The following TAB3 variants were observed in gnomAD, a reference collection of about 807,000 sequenced individuals.
TAB3 encodes the protein TGF-beta activated kinase 1 (MAP3K7) binding protein 3.
Under a neutral mutation model 48.1 loss-of-function variants are expected in TAB3, and 18 were observed. That is an observed-to-expected ratio of 0.37 (90% CI 0.26 to 0.55). The LOEUF (loss-of-function observed/expected upper bound fraction) is 0.55. TAB3 is among the 20% of genes least tolerant of loss of function. TAB3 has a pLI of 0.78. For synonymous variants in TAB3, 185 were observed against 190.2 expected (o/e 0.97, Z 0.22); for missense variants, 414 against 549.8 (o/e 0.75, Z 2.47).
At position 30,852,815 on chromosome X, in the gene TAB3, C is replaced by T. The variant is rs1340769739; in HGVS notation, c.1673G>A (p.Arg558Gln). Residue 558 changes from arginine to glutamine, a missense_variant, in exon 7 of 11, where the codon CGG becomes CAG. Coordinates refer to ENST00000288422, the MANE Select transcript of TAB3 (RefSeq NM_152787.5). The part of the protein sequence containing the change: ...NGMEHDLMQR[R>Q]LRRVSCTTAI... ...AGTGGTGCAGCTGACTCTTCTGAGC[C>T]GTCTCTGCATCAGGTCATGCTCCAT... 2.5e-6 allele frequency: 3 copies of T among 1,209,359 alleles called. No individual in the cohort carries two copies. The highest frequency in any genetic ancestry group is 1.8e-5 in the South Asian group (1 of 56,755).
At position 30,830,293 on chromosome X, in the gene TAB3, A is replaced by G. The variant is rs1489418284; in HGVS notation, c.*1134T>C. On this transcript the variant is annotated 3_prime_UTR_variant, in exon 11 of 11. Coordinates refer to ENST00000288422, the MANE Select transcript of TAB3 (RefSeq NM_152787.5). ...CCTTTCCTAAATAATGCAGTGTGCA[A>G]CTTTGTCGTTGGCCAACTGTAATTC... The G allele has an allele frequency of 1.8e-5, 2 of 112,355 alleles. No individual in the cohort carries two copies. The highest frequency in any genetic ancestry group is 9.5e-5 in the Admixed American group (1 of 10,504). 9.3% of individuals were successfully genotyped at this position (112,355 alleles called of 1,213,427 possible).
At chrX:30,846,514 C>A (rs753768964) in intron 8 of TAB3, 37 bp downstream of exon 8, 3 of 1,029,905 alleles carry the variant, frequency 2.9e-6, no homozygotes, top group Non-Finnish European at 4.0e-6. Context: ...AAATACCACA[C>A]TATTACTTAT....
intron 1 of TAB3, among the ~76,000 whole-genome samples, chrX:30,875,020 C>A (rs774453168): frequency 9.0e-6 from 1 of 110,907 alleles, no homozygotes; most frequent in Non-Finnish European, 1.9e-5. Flanking sequence ...GCTGGTGGTA[C>A]CATGTTCTAG....
At chrX:30,846,677 G>A (rs919984648) in intron 7 of TAB3, 33 bp from the exon 8 acceptor site, 6 of 990,601 alleles carry the variant, frequency 6.1e-6, no homozygotes, top group Non-Finnish European at 8.5e-6. Flanking sequence ...AGCAATTGTG[G>A]GAAAGTCATT....
intron 1 of TAB3, among the ~76,000 whole-genome samples, chrX:30,884,284 GAACT>G (rs1372407989): frequency 1.8e-5 from 2 of 111,766 alleles, no homozygotes; most frequent in Non-Finnish European, 3.8e-5. Context: ...GTAATAATAA[GAACT>G]AACTCTTTTT....
rs141569817 is a variant in TAB3 at position 30,855,457 on chromosome X, G to A, written c.208C>T (p.Arg70Cys). ...SPDDNRMNRNRLLHINLGIHS... is the reference protein window; with the variant it reads ...SPDDNRMNRNCLLHINLGIHS... ...ATACCCAGGTTAATATGTAAAAGGC[G>A]ATTTCTATTCATCCTATTGTCATCT... Residue 70 changes from arginine (R) to cysteine (C), a missense_variant, in exon 6 of 11, where the codon CGC becomes TGC. Arg to Cys is a radical substitution (Grantham distance 180). Transcript: ENST00000288422. The A allele has an allele frequency of 5.8e-6, 7 of 1,209,389 alleles. No homozygotes were observed. In the African/African-American group the frequency reaches 8.8e-5, roughly 15 times the overall value.
At chrX:30,849,467 A>G (rs1825895702) in intron 7 of TAB3, among the ~76,000 whole-genome samples, 1 of 112,674 alleles carries the variant, frequency 8.9e-6, no homozygotes, top group African/African-American at 3.2e-5. Flanking sequence ...ACTTGAAGGT[A>G]GCAATGTGTG....
chrX:30,837,612 C>A (rs900238096), intron 9 of TAB3, among the ~76,000 whole-genome samples: 2 of 112,069 alleles, frequency 1.8e-5, no homozygotes, highest in South Asian at 7.4e-4. Context: ...ACATATTTTA[C>A]AAATATTTTC....
At chrX:30,869,288 G>C (rs1421587598) in intron 2 of TAB3, among the ~76,000 whole-genome samples, 2 of 111,419 alleles carry the variant, frequency 1.8e-5, no homozygotes, top group Non-Finnish European at 1.9e-5. Context: ...TTAAACTCCT[G>C]ACCTCAGGAG....
In TAB3 at chrX:30,834,272, C is replaced by T. The variant is rs187487287; in HGVS notation, c.1889-120G>A. On this transcript the variant is annotated intron_variant, in intron 9 of 10. Coordinates refer to ENST00000288422, the MANE Select transcript of TAB3 (RefSeq NM_152787.5). ...CTGAGTGCATTTACCCTACCTATTA[C>T]TTCATGTTACCTTTAGCAAGGGCAG... is the stretch of plus-strand genomic sequence containing the variant. 1.4e-3 allele frequency: 772 copies of T among 558,522 alleles called. 4 individuals carry two copies. In the African/African-American group the frequency reaches 0.015, roughly 11 times the overall value. 46.0% of individuals were successfully genotyped at this position (558,522 alleles called of 1,213,427 possible). A position where few individuals can be genotyped will look rare whatever the true frequency, so the allele number is the denominator to read the frequency against.
At chrX:30,863,088 T>C (rs1016803446) in intron 4 of TAB3, among the ~76,000 whole-genome samples, 16 of 112,593 alleles carry the variant, frequency 1.4e-4, no homozygotes, top group African/African-American at 4.8e-4. Flanking sequence ...TCTGAAAAGA[T>C]GATTAATAGT....
At chrX:30,835,863 A>G (rs1601795284) in intron 9 of TAB3, 3 of 112,528 alleles carry the variant, frequency 2.7e-5, no homozygotes. Context: ...TTTCTGGTAT[A>G]TATCTGTAAT....
intron 1 of TAB3, among the ~76,000 whole-genome samples, chrX:30,884,624 C>T (rs911530638): frequency 9.0e-6 from 1 of 110,605 alleles, no homozygotes. Flanking sequence ...ACCATCTTGC[C>T]TTTTATTAGG....
intron 1 of TAB3, among the ~76,000 whole-genome samples, chrX:30,874,837 T>C (rs1939777344): frequency 8.9e-6 from 1 of 112,255 alleles, no homozygotes; most frequent in Non-Finnish European, 1.9e-5. Flanking sequence ...AAGGAAGCCC[T>C]GAGTGCCAAG....
At chrX:30,852,678 A>C (rs936005625) in intron 7 of TAB3, 100 bp downstream of exon 7, 7 of 934,036 alleles carry the variant, frequency 7.5e-6, no homozygotes, top group Non-Finnish European at 1.0e-5. Flanking sequence ...ACAACAACAA[A>C]AAACCGGAAC....
rs774577458 is a variant in TAB3 at position 30,830,582 on chromosome X, C to G, written c.*845G>C. The G allele has an allele frequency of 8.0e-5, 9 of 112,214 alleles. No individual in the cohort carries two copies. Among genetic ancestry groups the G allele is most frequent in the Non-Finnish European group, 1.7e-4 (9 of 53,208 alleles). 9.2% of individuals were successfully genotyped at this position (112,214 alleles called of 1,213,427 possible). On this transcript the variant is annotated 3_prime_UTR_variant, in exon 11 of 11. Transcript: ENST00000288422. Reference sequence around the variant, plus strand: ...GTGCTACTGGCAAAGCGCAGTTTTACGAGAATATCATTTATAAAATCATAC... The same window carrying G: ...GTGCTACTGGCAAAGCGCAGTTTTAGGAGAATATCATTTATAAAATCATAC...
At position 30,831,503 on chromosome X, in the gene TAB3, T is replaced by C; in HGVS notation, c.2063A>G (p.Asn688Ser). ...GTTAAGAAAGGTGCAGCTATCACAATTCCATGGAGCCCCTTCGTAGTCTTC... is the reference window on the plus strand; with the variant it reads ...GTTAAGAAAGGTGCAGCTATCACAACTCCATGGAGCCCCTTCGTAGTCTTC... ...RDEDYEGAPW[N>S]CDSCTFLNHP... Residue 688 changes from asparagine to serine, a missense_variant, in exon 11 of 11, where the codon AAT (asparagine) becomes AGT (serine). Coordinates refer to ENST00000288422, the MANE Select transcript of TAB3 (RefSeq NM_152787.5). The C allele has an allele frequency of 1.7e-6, 2 of 1,211,223 alleles. No homozygotes were observed. The highest frequency in any genetic ancestry group is 2.2e-6 in the Non-Finnish European group (2 of 895,316).
chrX:30,838,005 C>A (rs1275070791), intron 9 of TAB3, among the ~76,000 whole-genome samples: 1 of 112,322 alleles, frequency 8.9e-6, no homozygotes, highest in Non-Finnish European at 1.9e-5. Flanking sequence ...TAAACCTGGG[C>A]TCCCTATTCT....
intron 1 of TAB3, among the ~76,000 whole-genome samples, chrX:30,886,824 G>A (rs1940144574): frequency 8.9e-6 from 1 of 111,984 alleles, no homozygotes; most frequent in South Asian, 3.7e-4. Context: ...AGCAGGCTCT[G>A]CAGCACATAA....
Sources: gnomAD v4.1 joint callset for allele counts (sites outside exome capture counted in the v4.1 genomes callset) on GRCh38, gnomAD v4.1.1 for gene constraint, MANE v1.5 for transcripts, NCBI Gene and HGNC (gene_info 2026-07-23, HGNC 2026-07-21) for gene names.